ARMC3: variants seen among roughly 807,000 people sequenced by gnomAD.
The protein encoded by ARMC3 is armadillo repeat-containing protein 3.
Under a neutral mutation model 90.3 loss-of-function variants are expected in ARMC3, and 74 were observed. That is an observed-to-expected ratio of 0.82 (90% CI 0.68 to 0.99). ARMC3 has a LOEUF of 0.99. ARMC3 is among the 50% of genes least tolerant of loss of function. The pLI, the probability that ARMC3 is intolerant of heterozygous loss-of-function variation, is 0.00. For synonymous variants in ARMC3, 334 were observed against 361.8 expected (o/e 0.92, Z 0.87); for missense variants, 958 against 1,042.8 (o/e 0.92, Z 1.12).
intron 2 of ARMC3, among the ~76,000 whole-genome samples, chr10:22,933,141 A>G (rs16922812): frequency 0.22 from 33,227 of 152,072 alleles, 4,677 homozygotes; most frequent in East Asian, 0.47. Flanking sequence ...CAAAATCTAC[A>G]GAAGTGCCTG....
At chr10:22,953,964 C>G (rs997783615) in intron 3 of ARMC3, among the ~76,000 whole-genome samples, 9 of 152,152 alleles carry the variant, frequency 5.9e-5, no homozygotes, top group Admixed American at 1.3e-4. Flanking sequence ...GTGATTTGTA[C>G]TGTTTTATAT....
rs189410271 is a variant in ARMC3 at position 22,978,047 on chromosome 10, G to C, written c.917-3293G>C. ...GAAGATAGGTTAAATCTTTGTCATT[G>C]CCTAATTATTCTCCTCTATTTTGGT... On this transcript the variant is annotated intron_variant, in intron 8 of 18. Transcript: ENST00000298032. Among the ~76,000 whole-genome samples, 3 of 152,304 alleles carry C rather than the reference G, an allele frequency of 2.0e-5. No individual in the cohort carries two copies. The East Asian group carries it at 5.8e-4, about 29-fold the overall frequency.
At chr10:23,034,155 ATTTCCTATTCCC>A (rs1253563863) in intron 18 of ARMC3, among the ~76,000 whole-genome samples, 7 of 151,002 alleles carry the variant, frequency 4.6e-5, no homozygotes, top group African/African-American at 1.7e-4. Flanking sequence ...ATTCCCTTGG[ATTTCCTATTCCC>A]TTTCCTATTC....
chr10:22,959,713 A>G, intron 6 of ARMC3, 139 bp downstream of exon 6: 1 of 821,020 alleles, frequency 1.2e-6, no homozygotes, highest in Non-Finnish European at 1.9e-6. Context: ...TATCATTCAG[A>G]GAAAAAAATA....
intron 2 of ARMC3, among the ~76,000 whole-genome samples, chr10:22,936,533 G>A (rs1834120507): frequency 6.6e-6 from 1 of 152,110 alleles, no homozygotes; most frequent in Admixed American, 6.5e-5. Flanking sequence ...TCAAAACTTA[G>A]CCAAAATGCT....
At chr10:23,008,554 G>C (rs1056926501) in intron 15 of ARMC3, among the ~76,000 whole-genome samples, 180 bp downstream of exon 15, 1 of 152,176 alleles carries the variant, frequency 6.6e-6, no homozygotes, top group Non-Finnish European at 1.5e-5. Flanking sequence ...CAGGAAATCT[G>C]GTTTCACCTT....
chr10:22,998,081 T>C, intron 10 of ARMC3, 67 bp from the exon 11 acceptor site: 1 of 1,549,164 alleles, frequency 6.5e-7, no homozygotes, highest in Non-Finnish European at 8.8e-7. Context: ...AGCAGCTTAG[T>C]TGCATGCTCC....
intron 8 of ARMC3, among the ~76,000 whole-genome samples, chr10:22,973,439 A>G (rs1446034165): frequency 6.6e-6 from 1 of 151,098 alleles, no homozygotes; most frequent in Non-Finnish European, 1.5e-5. Flanking sequence ...CAAGTGTTCT[A>G]TTAAATCTTG....
At chr10:23,030,895 T>G in intron 17 of ARMC3, 99 bp downstream of exon 17, 1 of 1,351,524 alleles carries the variant, frequency 7.4e-7, no homozygotes, top group Non-Finnish European at 9.9e-7. Context: ...ATAAATAAAA[T>G]TGAAGTTTAC....
At chr10:23,032,438 G>C (rs1434249700) in intron 17 of ARMC3, among the ~76,000 whole-genome samples, 1 of 152,110 alleles carries the variant, frequency 6.6e-6, no homozygotes, top group Non-Finnish European at 1.5e-5. Flanking sequence ...TGTTTGTCTT[G>C]TCTCTGAGTT....
At chr10:22,928,496 A>G (rs2131096782) in intron 1 of ARMC3, among the ~76,000 whole-genome samples, 1 of 152,294 alleles carries the variant, frequency 6.6e-6, no homozygotes, top group Admixed American at 6.5e-5. Flanking sequence ...GAACAAATAC[A>G]AAGGACCAAT....
chr10:22,985,903 C>T (rs74635769), intron 10 of ARMC3, among the ~76,000 whole-genome samples: 76 of 152,242 alleles, frequency 5.0e-4, no homozygotes, highest in East Asian at 7.7e-4. Flanking sequence ...TCCCTCACCC[C>T]GTTTACATCT....
chr10:22,929,843 G>A (rs1032077954), intron 1 of ARMC3, among the ~76,000 whole-genome samples: 1 of 152,070 alleles, frequency 6.6e-6, no homozygotes, highest in African/African-American at 2.4e-5. Flanking sequence ...GAGCCACCAC[G>A]CCGGGCCATG....
chr10:23,019,158 CT>C (rs1838406826), intron 16 of ARMC3, among the ~76,000 whole-genome samples: 1 of 152,204 alleles, frequency 6.6e-6, no homozygotes, highest in Non-Finnish European at 1.5e-5. Context: ...TGATTGTCTC[CT>C]TTGCTACTGA....
chr10:22,976,248 C>T (rs545535408), intron 8 of ARMC3, among the ~76,000 whole-genome samples: 1 of 152,318 alleles, frequency 6.6e-6, no homozygotes, highest in South Asian at 2.1e-4. Context: ...TTCTCCTTTT[C>T]TTATCAACCT....
intron 16 of ARMC3, among the ~76,000 whole-genome samples, chr10:23,028,109 A>C (rs944297938): frequency 6.6e-6 from 1 of 152,146 alleles, no homozygotes; most frequent in Non-Finnish European, 1.5e-5. Context: ...CAGCCAGTGC[A>C]CCCCAGCCTG....
chr10:22,938,709 A>G (rs1333559177), intron 2 of ARMC3, among the ~76,000 whole-genome samples: 1 of 152,206 alleles, frequency 6.6e-6, no homozygotes, highest in Non-Finnish European at 1.5e-5. Flanking sequence ...GAAGTACAAC[A>G]TACTGAAATA....
chr10:22,971,451 T>G (rs1835681120), intron 8 of ARMC3, among the ~76,000 whole-genome samples: 1 of 150,300 alleles, frequency 6.7e-6, no homozygotes, highest in Non-Finnish European at 1.5e-5. Context: ...GTTTTTTTTT[T>G]TTTTTTTTTG....
chr10:22,982,379 C>G (rs1836233351), intron 10 of ARMC3, among the ~76,000 whole-genome samples: 1 of 152,048 alleles, frequency 6.6e-6, no homozygotes, highest in South Asian at 2.1e-4. Flanking sequence ...GGCTCCGCTT[C>G]AAACAAACAA....
Sources: allele counts gnomAD v4.1 joint callset (sites outside exome capture counted in the v4.1 genomes callset), GRCh38; gene constraint gnomAD v4.1.1; transcripts MANE v1.5; gene names NCBI Gene and HGNC (gene_info 2026-07-23, HGNC 2026-07-21).